GRM5: variants seen among roughly 807,000 people sequenced by gnomAD.
GRM5 encodes the protein glutamate metabotropic receptor 5, also known as metabotropic glutamate receptor 5.
A neutral mutation model predicts 83.1 loss-of-function variants in GRM5; 19 were observed. The ratio of observed to expected loss-of-function variants is 0.23; its 90% CI spans 0.16 to 0.34. The LOEUF is 0.34. Ranked by LOEUF, GRM5 falls within the 10% of genes least tolerant of loss-of-function variation. GRM5 has a pLI of 1.00. For synonymous variants in GRM5, 675 were observed against 633.6 expected (o/e 1.07, Z -0.98); for missense variants, 1,160 against 1,588.3 (o/e 0.73, Z 4.58).
chr11:88,525,280 C>T (rs772209251), intron 9 of GRM5, 29 bp downstream of exon 9: 3 of 1,288,038 alleles, frequency 2.3e-6, no homozygotes, highest in Admixed American at 3.4e-5. Context: ...TTATTTCACA[C>T]CACCTCAGGC....
intron 2 of GRM5, among the ~76,000 whole-genome samples, chr11:88,977,518 T>A (rs1436916883): frequency 6.6e-6 from 1 of 152,142 alleles, no homozygotes; most frequent in African/African-American, 2.4e-5. Context: ...AAAAACTGAG[T>A]TCATTAACAA....
At chr11:88,656,293 G>A (rs1009720049) in intron 3 of GRM5, among the ~76,000 whole-genome samples, 1 of 152,050 alleles carries the variant, frequency 6.6e-6, no homozygotes, top group African/African-American at 2.4e-5. Flanking sequence ...TCTCACTGGT[G>A]GGCATTTTGC....
chr11:88,775,727 A>G (rs1375300435), intron 3 of GRM5, among the ~76,000 whole-genome samples: 2 of 152,166 alleles, frequency 1.3e-5, no homozygotes, highest in Admixed American at 6.5e-5. Flanking sequence ...CAAGTTGTTC[A>G]GTTTCCATGT....
rs1485216839 is a variant in GRM5, at chr11:88,988,894, C to T, written c.661+58318G>A. Among the ~76,000 whole-genome samples, 1,354 of 147,030 alleles carry T rather than the reference C, an allele frequency of 9.2e-3. 16 individuals carry two copies. Among genetic ancestry groups the T allele is most frequent in the African/African-American group, 0.032 (1,269 of 39,346 alleles). ...ATGGAAAGGAACAACCGGTACCAGC[C>T]GCTGCAAAATCATGCCAAAATGTAA... On this transcript the variant is annotated intron_variant, in intron 2 of 9. Transcript: ENST00000305447.
At chr11:89,039,187 C>A (rs992410912) in intron 2 of GRM5, among the ~76,000 whole-genome samples, 13 of 151,792 alleles carry the variant, frequency 8.6e-5, no homozygotes, top group Admixed American at 2.0e-4. Flanking sequence ...GTTGCTTGAA[C>A]CTGGGAGGCG....
chr11:88,951,381 G>A (rs1938456788), intron 2 of GRM5, among the ~76,000 whole-genome samples: 1 of 152,210 alleles, frequency 6.6e-6, no homozygotes, highest in Non-Finnish European at 1.5e-5. Flanking sequence ...TAAAGGGGAA[G>A]AACTTTCGCA....
At position 88,646,293 on chromosome 11, in the gene GRM5, CTT is replaced by C. The variant is rs534457304; in HGVS notation, c.1147+6873_1147+6874del. Reference sequence around the variant, plus strand: ...TATACTATTAGAGAAAAATTATACTCTTAATACTTCTTATTACTTTTAATTTA... The same window carrying C: ...TATACTATTAGAGAAAAATTATACTCAATACTTCTTATTACTTTTAATTTA... On this transcript the variant is annotated intron_variant, in intron 4 of 9. Transcript: ENST00000305447. Among the ~76,000 whole-genome samples, 265 of 152,118 alleles carry C rather than the reference CTT, an allele frequency of 1.7e-3. 1 individual carries two copies. Among genetic ancestry groups the C allele is most frequent in the African/African-American group, 6.2e-3 (257 of 41,538 alleles).
rs1374643815 is a variant in GRM5 at position 88,924,136 on chromosome 11, A to C, written c.662-73981T>G. Among the ~76,000 whole-genome samples, 5 of 29,142 alleles carry C rather than the reference A, an allele frequency of 1.7e-4. No homozygotes were observed. In the South Asian group the frequency reaches 0.011, roughly 67 times the overall value. The allele number at this position is 29,142 out of a possible 152,430, so 19.1% of individuals were successfully genotyped here. A position where few individuals can be genotyped will look rare whatever the true frequency, so the allele number is the denominator to read the frequency against. ...ACACCTGTTAGTATAGCTATAATCA[A>C]AAAAAAAAAATAAGAAATAATCATT... is the stretch of plus-strand genomic sequence containing the variant. On this transcript the variant is annotated intron_variant, in intron 2 of 9. Transcript: ENST00000305447.
At chr11:88,635,298 AGGGTT>A (rs1939087388) in intron 4 of GRM5, among the ~76,000 whole-genome samples, 2 of 152,304 alleles carry the variant, frequency 1.3e-5, no homozygotes, top group Non-Finnish European at 2.9e-5. Flanking sequence ...AACAGTATAC[AGGGTT>A]CCCTTTTCTC....
intron 2 of GRM5, among the ~76,000 whole-genome samples, chr11:89,042,676 T>C (rs1256281285): frequency 1.3e-5 from 2 of 152,294 alleles, no homozygotes; most frequent in Middle Eastern, 3.4e-3. Context: ...GTAAATTGTC[T>C]TGTGTAATGA....
chr11:88,918,361 G>A (rs891878983), intron 2 of GRM5, among the ~76,000 whole-genome samples: 2 of 151,942 alleles, frequency 1.3e-5, no homozygotes, highest in African/African-American at 4.8e-5. Context: ...CAGCGCACCA[G>A]CATGGCACAT....
chr11:88,879,500 C>T (rs1270748316), intron 2 of GRM5, among the ~76,000 whole-genome samples: 1 of 151,546 alleles, frequency 6.6e-6, no homozygotes, highest in Non-Finnish European at 1.5e-5. Flanking sequence ...TAGCAAATTT[C>T]AAAAGAGAAA....
Position 88,599,523 on chromosome 11 carries a change from C to T in GRM5, c.1395-2171G>A, listed in dbSNP as rs540273244. On this transcript the variant is annotated intron_variant, in intron 5 of 9. Coordinates refer to ENST00000305447, the MANE Select transcript of GRM5 (RefSeq NM_001143831.3). ...ATGTCTCCACAAAAGAATATTCTCCCGTTGACTTGTGAATTGGTATGAGCC... is the reference window on the plus strand; with the variant it reads ...ATGTCTCCACAAAAGAATATTCTCCTGTTGACTTGTGAATTGGTATGAGCC... Among the ~76,000 whole-genome samples the T allele has an allele frequency of 5.9e-5, 9 of 152,220 alleles. No homozygotes were observed. In the South Asian group the frequency reaches 6.2e-4, roughly 11 times the overall value.
At chr11:88,848,542 G>T (rs1450232004) in intron 3 of GRM5, among the ~76,000 whole-genome samples, 1 of 152,134 alleles carries the variant, frequency 6.6e-6, no homozygotes, top group Admixed American at 6.6e-5. Flanking sequence ...TAAGGTTTTT[G>T]CTGTTCTTTA....
chr11:88,751,086 A>AAAAC (rs1942263180), intron 3 of GRM5, among the ~76,000 whole-genome samples: 1 of 148,336 alleles, frequency 6.7e-6, no homozygotes, highest in Non-Finnish European at 1.5e-5. Context: ...AAAAAAAAAA[A>AAAAC]AAAAAAAAAC....
At position 88,590,624 on chromosome 11, in the gene GRM5, G is replaced by C; in HGVS notation, c.1667C>G (p.Ser556Cys). 1 of 1,610,722 alleles carries C rather than the reference G, an allele frequency of 6.2e-7. No homozygotes were observed. Among genetic ancestry groups the C allele is most frequent in the Non-Finnish European group, 8.5e-7 (1 of 1,176,966 alleles). Residue 556 changes from serine (S) to cysteine (C), a missense_variant, in exon 7 of 10, where the codon TCT (serine) becomes TGT (cysteine). Coordinates refer to ENST00000305447, the MANE Select transcript of GRM5 (RefSeq NM_001143831.3). Reference sequence around the variant, plus strand: ...ACCTGTGAGATCATCAGTGGGCCAAGACCCCAGTTGGCATGCCTTGCATGT... The same window carrying C: ...ACCTGTGAGATCATCAGTGGGCCAACACCCCAGTTGGCATGCCTTGCATGT... ...EYTCKACQLG[S>C]WPTDDLTGCD...
chr11:88,716,638 T>C (rs1941406274), intron 3 of GRM5, among the ~76,000 whole-genome samples: 1 of 151,968 alleles, frequency 6.6e-6, no homozygotes, highest in South Asian at 2.1e-4. Context: ...ACCCACACTG[T>C]ACCAAATACT....
chr11:88,560,817 T>C (rs1942738086), intron 8 of GRM5, among the ~76,000 whole-genome samples: 1 of 152,198 alleles, frequency 6.6e-6, no homozygotes, highest in Non-Finnish European at 1.5e-5. Context: ...ACAAACTCAA[T>C]ATCCCGAGGG....
At chr11:88,634,482 T>C (rs1045283905) in intron 4 of GRM5, among the ~76,000 whole-genome samples, 4 of 152,192 alleles carry the variant, frequency 2.6e-5, no homozygotes, top group Non-Finnish European at 2.9e-5. Flanking sequence ...TTTAAATGTT[T>C]TTGTTAAAAA....
Sources: allele counts gnomAD v4.1 joint callset (sites outside exome capture counted in the v4.1 genomes callset), GRCh38; gene constraint gnomAD v4.1.1; transcripts MANE v1.5; gene names NCBI Gene and HGNC (gene_info 2026-07-23, HGNC 2026-07-21).